Variants in APC observed in about 807,000 individuals in gnomAD.
The protein encoded by APC is APC regulator of Wnt signaling pathway.
In APC, 72 loss-of-function variants were observed where a neutral mutation model predicts 247.0. That is an observed-to-expected ratio of 0.29 (90% CI 0.24 to 0.35). The LOEUF (loss-of-function observed/expected upper bound fraction) is 0.35, where lower values mean the gene tolerates loss of function less well. Ranked by LOEUF, APC falls within the 10% of genes least tolerant of loss-of-function variation. The pLI, the probability that APC is intolerant of heterozygous loss-of-function variation, is 1.00. For synonymous variants in APC, 1,254 were observed against 1,162.5 expected, an observed-to-expected ratio of 1.08 and a Z score of -1.60; for missense variants, 3,400 against 3,360.7, an observed-to-expected ratio of 1.01 and a Z score of -0.29.
upstream of APC, chr5:112,737,844 G>T: frequency 1.0e-6 from 1 of 985,696 alleles, no homozygotes; most frequent in Non-Finnish European, 1.2e-6. Flanking sequence ...GGGCGCACGT[G>T]ACCGACATGT....
chr5:112,833,061 C>G (rs751000574), intron 14 of APC, among the ~76,000 whole-genome samples: 3 of 148,476 alleles, frequency 2.0e-5, no homozygotes, highest in Non-Finnish European at 4.5e-5. Flanking sequence ...TTTGCTTTTG[C>G]TTTTTTGAGA....
At chr5:112,815,157 T>C (rs1391468052) in intron 8 of APC, among the ~76,000 whole-genome samples, 1 of 152,230 alleles carries the variant, frequency 6.6e-6, no homozygotes, top group East Asian at 1.9e-4. Flanking sequence ...AATTTGAACA[T>C]TCCTTCAATG....
At chr5:112,729,505 G>A (rs1051338340) in intron 1 of APC, among the ~76,000 whole-genome samples, 17 of 152,208 alleles carry the variant, frequency 1.1e-4, no homozygotes, top group South Asian at 2.1e-4. Context: ...TGAACGAAAG[G>A]TAGTTCTAAG....
Position 112,839,459 on chromosome 5 carries a change from T to G in APC, c.3865T>G (p.Cys1289Gly), listed in dbSNP as rs2149900823. The change falls in exon 16 of 16, where the codon TGT (cysteine) becomes GGT (glycine). Residue 1289 changes from cysteine to glycine, a missense_variant. Physicochemically the swap from Cys to Gly is radical, Grantham distance 159. This residue lies in a region of APC where 715 missense variants were observed against 656.6 expected (regional missense o/e 1.09). Coordinates refer to ENST00000257430, the MANE Select transcript of APC (RefSeq NM_000038.6). The surrounding 1 kb of genome is among the most constrained non-coding windows in gnomAD (Gnocchi z 5.0). ...SLSSAEDEIG[C>G]NQTTQEADSA... ...GTCATCAGCTGAAGATGAAATAGGA[T>G]GTAATCAGACGACACAGGAAGCAGA... 1 of 1,614,154 alleles carries G rather than the reference T, an allele frequency of 6.2e-7. No homozygotes were observed. Among genetic ancestry groups the G allele is most frequent in the Non-Finnish European group, 8.5e-7 (1 of 1,180,008 alleles).
chr5:112,768,006 G>A (rs950319873), intron 4 of APC, among the ~76,000 whole-genome samples: 1 of 151,206 alleles, frequency 6.6e-6, no homozygotes, highest in African/African-American at 2.4e-5. Flanking sequence ...GAGGCCAGGA[G>A]TTCAGGACTA....
chr5:112,708,670 T>A lies in APC; in HGVS notation c.165+788T>A, dbSNP rs150699533. Among the ~76,000 whole-genome samples the A allele has an allele frequency of 2.4e-3, 372 of 152,360 alleles. 2 individuals are homozygous for A. Among genetic ancestry groups the A allele is most frequent in the Admixed American group, 4.4e-3 (68 of 15,308 alleles). On this transcript the variant is annotated intron_variant, in intron 1 of 13. Coordinates refer to the APC transcript ENST00000507379. ...TGTTAGCTTAAATTGCCTACTGACG[T>A]CTTAGAATTCCATGTTGTACAAGCC... is the stretch of plus-strand genomic sequence containing the variant.
chr5:112,801,286 C>T lies in APC; in HGVS notation c.737C>T (p.Ser246Phe), dbSNP rs754667638. Residue 246 changes from serine to phenylalanine, a missense_variant, in exon 8 of 16, where the codon TCT (serine) becomes TTT (phenylalanine). Around this residue, in one of 9 missense-constraint regions of APC, gnomAD observed 372 missense variants for 367.6 expected, o/e 1.01. Transcript: ENST00000257430. ...TTAACTCCATCTTAACAGAGGTCAT[C>T]TCAGAACAAGCATGAAACCGGCTCA... is the stretch of plus-strand genomic sequence containing the variant. ...QSQATEAERS[S>F]QNKHETGSHD... The T allele has an allele frequency of 1.9e-6, 3 of 1,612,448 alleles. No individual in the cohort carries two copies. The highest frequency in any genetic ancestry group is 2.5e-6 in the Non-Finnish European group (3 of 1,178,906).
chr5:112,825,274 A>C (rs763255395), intron 11 of APC, among the ~76,000 whole-genome samples: 1 of 152,166 alleles, frequency 6.6e-6, no homozygotes, highest in African/African-American at 2.4e-5. Context: ...CTCCTGTTCT[A>C]CAATACTTTG....
rs553706919 is a variant in APC at position 112,817,376 on chromosome 5, A to C, written c.934-1590A>C. ...AGTAATGATTTTAGAATAATCAATG[A>C]TATTCTCACTATGAGGCTTAATCCT... is the stretch of plus-strand genomic sequence containing the variant. On this transcript the variant is annotated intron_variant, in intron 9 of 15. Coordinates refer to ENST00000257430, the MANE Select transcript of APC (RefSeq NM_000038.6). 2.0e-4 allele frequency among the ~76,000 whole-genome samples: 30 copies of C among 152,290 alleles called. No individual in the cohort carries two copies. The South Asian group carries it at 5.2e-3, about 26-fold the overall frequency.
intron 9 of APC, among the ~76,000 whole-genome samples, chr5:112,817,910 A>G (rs1039829842): frequency 6.6e-6 from 1 of 152,228 alleles, no homozygotes; most frequent in Non-Finnish European, 1.5e-5. Flanking sequence ...ATTTATCCGC[A>G]GTCCTATACT....
chr5:112,826,340 C>CT (rs897950053), intron 11 of APC, among the ~76,000 whole-genome samples: 31 of 151,158 alleles, frequency 2.1e-4, no homozygotes, highest in East Asian at 7.7e-4. Flanking sequence ...TTTTGCTTCA[C>CT]TTTTTTTTTA....
chr5:112,778,373 C>T (rs1344036742), intron 5 of APC: 1 of 151,604 alleles, frequency 6.6e-6, no homozygotes, highest in African/African-American at 2.4e-5. Flanking sequence ...GTGGCTGCGT[C>T]AGCAGCACAT....
chr5:112,780,958 G>T (rs936628543), intron 6 of APC, 55 bp downstream of exon 6: 7 of 1,123,138 alleles, frequency 6.2e-6, no homozygotes, highest in Non-Finnish European at 8.0e-6. Context: ...GGAATAAAAT[G>T]AATTACAGCT....
At chr5:112,834,862 A>G (rs1764683849) in intron 14 of APC, 89 bp from the exon 15 acceptor site, 3 of 1,193,956 alleles carry the variant, frequency 2.5e-6, no homozygotes, top group Non-Finnish European at 1.2e-6. Flanking sequence ...AGATTAAAAA[A>G]TAGCTTTTAT....
chr5:112,821,472 C>A (rs1006553183), intron 10 of APC, among the ~76,000 whole-genome samples: 1 of 151,420 alleles, frequency 6.6e-6, no homozygotes, highest in Non-Finnish European at 1.5e-5. Context: ...TCATTCCACT[C>A]GAGCCTGGGC....
chr5:112,824,470 C>T (rs1367958333), intron 11 of APC, among the ~76,000 whole-genome samples: 1 of 152,088 alleles, frequency 6.6e-6, no homozygotes, highest in African/African-American at 2.4e-5. Context: ...TTTTTATTAG[C>T]CATGTTCTTC....
At chr5:112,761,520 A>G (rs1020809939) in intron 2 of APC, among the ~76,000 whole-genome samples, 3 of 152,226 alleles carry the variant, frequency 2.0e-5, no homozygotes, top group Non-Finnish European at 4.4e-5. Context: ...CAGGCTGAAC[A>G]CTGAATTAGT....
In APC at chr5:112,839,649, T is replaced by C. The variant is rs528724202; in HGVS notation, c.4055T>C (p.Val1352Ala). The C allele has an allele frequency of 1.4e-5, 23 of 1,614,070 alleles. No homozygotes were observed. The East Asian group carries it at 4.7e-4, about 33-fold the overall frequency. Residue 1352 changes from valine (V) to alanine (A), a missense_variant, in exon 16 of 16, where the codon GTT becomes GCT. Coordinates refer to ENST00000257430, the MANE Select transcript of APC (RefSeq NM_000038.6). The surrounding 1 kb of genome is among the most constrained non-coding windows in gnomAD (Gnocchi z 5.0). Reference protein sequence around the residue: ...LSSESARHKAVEFSSGAKSPS... With the variant: ...LSSESARHKAAEFSSGAKSPS... ...TCAGAATCAGCCAGGCACAAAGCTG[T>C]TGAATTTTCTTCAGGAGCGAAATCT...
rs534684461 is a variant in APC at position 112,775,612 on chromosome 5, T to A, written c.423-17T>A. 1,218 of 1,171,106 alleles carry A rather than the reference T, an allele frequency of 1.0e-3. No homozygotes were observed. The highest frequency in any genetic ancestry group is 2.9e-3 in the African/African-American group (183 of 63,702). The allele number at this position is 1,171,106 out of a possible 1,614,324, so 72.5% of individuals were successfully genotyped here. A position where few individuals can be genotyped will look rare whatever the true frequency, so the allele number is the denominator to read the frequency against. ...AGCATTGTTTAAACGTACCTTTTTTTAAAAAAAAAAAAATAGGTCATTGCT... is the reference window on the plus strand; with the variant it reads ...AGCATTGTTTAAACGTACCTTTTTTAAAAAAAAAAAAAATAGGTCATTGCT... On this transcript the variant is annotated splice_polypyrimidine_tract_variant and intron_variant, in intron 4 of 15. Transcript: ENST00000257430.
Sources: gnomAD v4.1 joint callset for allele counts (sites outside exome capture counted in the v4.1 genomes callset) on GRCh38, gnomAD v4.1.1 for gene constraint, gnomAD v4.1.1 regional missense constraint, Gnocchi (gnomAD v3.1) non-coding constraint, MANE v1.5 for transcripts, NCBI Gene and HGNC (gene_info 2026-07-23, HGNC 2026-07-21) for gene names.